Variants in ZNF90 observed in about 807,000 individuals in gnomAD.
The protein encoded by ZNF90 is zinc finger protein 90.
In ZNF90, 11 loss-of-function variants were observed where a neutral mutation model predicts 12.0. The ratio of observed to expected loss-of-function variants is 0.92; its 90% confidence interval spans 0.58 to 1.52. The LOEUF (loss-of-function observed/expected upper bound fraction) is 1.52. Among genes scored for constraint, ZNF90 ranks in the 40% most tolerant of loss-of-function variants. ZNF90 has a pLI of 0.00. For synonymous variants in ZNF90, 232 were observed against 240.1 expected, an observed-to-expected ratio of 0.97 and a Z score of 0.31; for missense variants, 765 against 711.5, an observed-to-expected ratio of 1.08 and a Z score of -0.86.
chr19:20,117,774 C>G lies in ZNF90; in HGVS notation c.227-7C>G, dbSNP rs782038419. 2.0e-6 allele frequency: 3 copies of G among 1,494,710 alleles called. No individual in the cohort carries two copies. In the African/African-American group the frequency reaches 4.2e-5, roughly 21 times the overall value. The allele number at this position is 1,494,710 out of a possible 1,614,324, so 92.6% of individuals were successfully genotyped here. A position where few individuals can be genotyped will look rare whatever the true frequency, so the allele number is the denominator to read the frequency against. ...TTGAAGTAATGTGTTCTTATTGTTTCTTTCAGTTATGTGTTTTCATTTTGC... is the reference window on the plus strand; with the variant it reads ...TTGAAGTAATGTGTTCTTATTGTTTGTTTCAGTTATGTGTTTTCATTTTGC... On this transcript the variant is annotated splice_polypyrimidine_tract_variant and splice_region_variant and intron_variant, in intron 3 of 3. Transcript: ENST00000418063.
At chr19:20,092,168 A>AAG (rs2088907842) in intron 1 of ZNF90, among the ~76,000 whole-genome samples, 1 of 152,208 alleles carries the variant, frequency 6.6e-6, no homozygotes, top group Admixed American at 6.5e-5. Flanking sequence ...AGACTCAACA[A>AAG]AGAGTGAGTA....
At chr19:20,105,060 C>T (rs1176742751) in intron 2 of ZNF90, among the ~76,000 whole-genome samples, 161 bp from the exon 3 acceptor site, 1 of 152,014 alleles carries the variant, frequency 6.6e-6, no homozygotes, top group African/African-American at 2.4e-5. Flanking sequence ...CAAAAGAAAC[C>T]TATGATTTGA....
intron 3 of ZNF90, among the ~76,000 whole-genome samples, chr19:20,113,690 T>C (rs1315672991): frequency 6.6e-6 from 1 of 151,796 alleles, no homozygotes; most frequent in East Asian, 2.0e-4. Flanking sequence ...TCGCCGGGCG[T>C]GTTGGCGGGC....
intron 3 of ZNF90, among the ~76,000 whole-genome samples, chr19:20,115,110 G>C (rs531752138): frequency 1.1e-4 from 17 of 151,976 alleles, no homozygotes; most frequent in African/African-American, 4.1e-4. Context: ...GATGTAGCTT[G>C]TGTAATACTA....
chr19:20,117,423 T>TCTTCCTTCCTTCCTTCCTTC (rs1568293800), intron 3 of ZNF90: 2 of 136,200 alleles, frequency 1.5e-5, no homozygotes, highest in Admixed American at 7.3e-5. Flanking sequence ...TTCCTTCCTT[T>TCTTCCTTCCTTCCTTCCTTC]CTTCCTTCCC....
chr19:20,082,444 A>T (rs2088827264), intron 1 of ZNF90, among the ~76,000 whole-genome samples: 1 of 152,194 alleles, frequency 6.6e-6, no homozygotes, highest in African/African-American at 2.4e-5. Flanking sequence ...TTCTGCCTTG[A>T]GATACTGTTA....
At chr19:20,110,359 A>G (rs1043762450) in intron 3 of ZNF90, among the ~76,000 whole-genome samples, 12 of 151,814 alleles carry the variant, frequency 7.9e-5, no homozygotes, top group African/African-American at 1.5e-4. Flanking sequence ...GCTCACTGCA[A>G]CCCCTGCCTC....
chr19:20,100,208 T>A (rs532985790), intron 1 of ZNF90, among the ~76,000 whole-genome samples: 1 of 152,284 alleles, frequency 6.6e-6, no homozygotes, highest in South Asian at 2.1e-4. Context: ...GGAAAAATAC[T>A]TTTGCCTGCA....
intron 1 of ZNF90, among the ~76,000 whole-genome samples, chr19:20,083,337 TG>T (rs1293360853): frequency 6.6e-6 from 1 of 152,172 alleles, no homozygotes; most frequent in African/African-American, 2.4e-5. Flanking sequence ...TTTTTTGTTT[TG>T]TTTTTTGAGA....
In ZNF90 at chr19:20,093,939, G is replaced by A. The variant is rs111885781; in HGVS notation, c.4-10300G>A. On this transcript the variant is annotated intron_variant, in intron 1 of 3. Coordinates refer to ENST00000418063, the MANE Select transcript of ZNF90 (RefSeq NM_007138.2). ...GAGTCAGTCAGAGAGCCTTGGGCTA[G>A]AGCTTTAGGGGTTCTAGGAGTGGCT... Among the ~76,000 whole-genome samples, 635 of 152,340 alleles carry A rather than the reference G, an allele frequency of 4.2e-3. 5 individuals carry two copies. The highest frequency in any genetic ancestry group is 0.015 in the African/African-American group (607 of 41,572).
At chr19:20,103,461 C>A (rs569008031) in intron 1 of ZNF90, among the ~76,000 whole-genome samples, 3 of 152,126 alleles carry the variant, frequency 2.0e-5, no homozygotes, top group African/African-American at 7.2e-5. Context: ...TTCTTCTGTG[C>A]GCATTAGCAC....
At chr19:20,084,040 GCCA>G (rs1392346669) in intron 1 of ZNF90, among the ~76,000 whole-genome samples, 2 of 151,428 alleles carry the variant, frequency 1.3e-5, no homozygotes, top group Non-Finnish European at 2.9e-5. Flanking sequence ...ACGGGCATGA[GCCA>G]CCACATTTGA....
intron 3 of ZNF90, among the ~76,000 whole-genome samples, chr19:20,110,981 C>T (rs1048649385): frequency 3.3e-5 from 5 of 152,094 alleles, no homozygotes; most frequent in Non-Finnish European, 5.9e-5. Context: ...CGTTGTTACT[C>T]TTGAATTGTT....
intron 1 of ZNF90, among the ~76,000 whole-genome samples, chr19:20,101,728 T>A (rs1555703922): frequency 6.6e-6 from 1 of 152,108 alleles, no homozygotes; most frequent in Admixed American, 6.5e-5. Context: ...CTCCAGAGAA[T>A]GTCATTTGAT....
chr19:20,113,671 A>G (rs1462809457), intron 3 of ZNF90, among the ~76,000 whole-genome samples: 1 of 152,006 alleles, frequency 6.6e-6, no homozygotes, highest in Non-Finnish European at 1.5e-5. Context: ...TACTAAAAAT[A>G]CAAAAAATTC....
Position 20,120,515 on chromosome 19 carries a change from A to G in ZNF90, c.*1155A>G, listed in dbSNP as rs1370323866. On this transcript the variant is annotated 3_prime_UTR_variant, in exon 4 of 4. Transcript: ENST00000418063. ...CTGCAAATGTAGTGAATTTGGAAACAAATTTTTTTTCAAAAACTACAGCTT... is the reference window on the plus strand; with the variant it reads ...CTGCAAATGTAGTGAATTTGGAAACGAATTTTTTTTCAAAAACTACAGCTT... Among the ~76,000 whole-genome samples the G allele has an allele frequency of 6.6e-6, 1 of 152,216 alleles. No individual in the cohort carries two copies. Among genetic ancestry groups the G allele is most frequent in the African/African-American group, 2.4e-5 (1 of 41,466 alleles).
At chr19:20,086,295 CGTAAT>C (rs2088859389) in intron 1 of ZNF90, among the ~76,000 whole-genome samples, 1 of 132,728 alleles carries the variant, frequency 7.5e-6, no homozygotes, top group African/African-American at 2.9e-5. Flanking sequence ...AGTTCAGTGG[CGTAAT>C]TTCAGCTCAC....
chr19:20,079,934 C>T, intron 1 of ZNF90: 2 of 403,128 alleles, frequency 5.0e-6, no homozygotes, highest in South Asian at 1.9e-5. Context: ...CATCGTATTT[C>T]CTCTTTTTTT....
intron 1 of ZNF90, among the ~76,000 whole-genome samples, chr19:20,103,719 G>A (rs1654265): frequency 0.42 from 63,942 of 151,934 alleles, 14,304 homozygotes; most frequent in African/African-American, 0.58. Flanking sequence ...TCTTCCACTT[G>A]GTGGATGTTT....
Sources: allele counts gnomAD v4.1 joint callset (sites outside exome capture counted in the v4.1 genomes callset), GRCh38; gene constraint gnomAD v4.1.1; transcripts MANE v1.5; gene names NCBI Gene and HGNC (gene_info 2026-07-23, HGNC 2026-07-21).